The following RASGRF2 variants were observed in gnomAD, a reference collection of about 807,000 sequenced individuals.
RASGRF2 encodes ras-specific guanine nucleotide-releasing factor 2.
RASGRF2 carries 76 observed loss-of-function variants against 151.0 expected under a neutral mutation model. The ratio of observed to expected loss-of-function variants is 0.50; its 90% confidence interval spans 0.42 to 0.61. The LOEUF (loss-of-function observed/expected upper bound fraction) is 0.61, where lower values mean the gene tolerates loss of function less well. Among genes scored for constraint, RASGRF2 ranks in the 20% least tolerant of loss-of-function variants. The pLI is 0.00. For missense variants in RASGRF2, 1,148 were observed against 1,564.6 expected, an observed-to-expected ratio of 0.73 and a Z score of 4.49; for synonymous variants, 504 against 566.5, an observed-to-expected ratio of 0.89 and a Z score of 1.57.
At chr5:80,972,971 T>A (rs1006387356) in intron 1 of RASGRF2, among the ~76,000 whole-genome samples, 1 of 152,250 alleles carries the variant, frequency 6.6e-6, no homozygotes, top group African/African-American at 2.4e-5. Context: ...GTTATATGTA[T>A]TGCAAGTATT....
intron 17 of RASGRF2, among the ~76,000 whole-genome samples, chr5:81,142,266 T>C (rs1039582155): frequency 3.3e-5 from 5 of 152,160 alleles, no homozygotes; most frequent in Non-Finnish European, 7.3e-5. Flanking sequence ...CTGAGTGGCC[T>C]CCCAGAGGCA....
intron 5 of RASGRF2, 31 bp from the exon 6 acceptor site, chr5:81,080,090 C>G: frequency 1.3e-6 from 2 of 1,587,464 alleles, no homozygotes; most frequent in South Asian, 2.3e-5. Context: ...ATTATAGCAA[C>G]TAAATTATAT....
intron 1 of RASGRF2, among the ~76,000 whole-genome samples, chr5:80,979,983 T>A (rs1316326348): frequency 6.6e-6 from 1 of 152,232 alleles, no homozygotes; most frequent in Admixed American, 6.5e-5. Context: ...TGTTGCTGAT[T>A]CTTTATACAG....
chr5:81,228,084 G>A lies in RASGRF2; in HGVS notation c.*2314G>A, dbSNP rs1277097789. ...CTGTCAATTGCTATGCTGACTTTTA[G>A]GGGGTTTTTGTTTGTTTGAAAAACA... On this transcript the variant is annotated 3_prime_UTR_variant, in exon 27 of 27. Transcript: ENST00000265080. 1 of 152,228 alleles carries A rather than the reference G, an allele frequency of 6.6e-6. No homozygotes were observed. The highest frequency in any genetic ancestry group is 1.5e-5 in the Non-Finnish European group (1 of 68,100). 9.4% of individuals were successfully genotyped at this position (152,228 alleles called of 1,614,324 possible).
rs569510899 is a variant in RASGRF2 at position 81,180,188 on chromosome 5, C to T, written c.2700C>T (p.Thr900=). ...TTTTCTCCTAAGGCTTTAACAACAC[C>T]GAGAGAACATGTGATAAAGAGTTTA... ...GHGSPPGFNN[T]ERTCDKEFII... is the part of the protein sequence containing the mutation. Residue 900 remains threonine (T), a synonymous_variant, in exon 18 of 27, where the codon ACC becomes ACT. Coordinates refer to ENST00000265080, the MANE Select transcript of RASGRF2 (RefSeq NM_006909.3). The T allele has an allele frequency of 9.3e-6, 15 of 1,605,846 alleles. No individual in the cohort carries two copies. The South Asian group carries it at 9.9e-5, about 11-fold the overall frequency.
In RASGRF2 at chr5:81,228,775, A is replaced by T. The variant is rs1756052152; in HGVS notation, c.*3005A>T. 1 of 152,196 alleles carries T rather than the reference A, an allele frequency of 6.6e-6. No individual in the cohort carries two copies. Among genetic ancestry groups the T allele is most frequent in the Non-Finnish European group, 1.5e-5 (1 of 68,034 alleles). The allele number at this position is 152,196 out of a possible 1,614,324, so 9.4% of individuals were successfully genotyped here. On this transcript the variant is annotated 3_prime_UTR_variant, in exon 27 of 27. Transcript: ENST00000265080. ...TTTGACAGATTCAGGCATGAAGTAA[A>T]ACGTCGTCACTTTTCCTTAGTGCTT...
intron 1 of RASGRF2, among the ~76,000 whole-genome samples, chr5:81,024,169 A>C (rs960604324): frequency 6.6e-6 from 1 of 151,022 alleles, no homozygotes; most frequent in African/African-American, 2.4e-5. Flanking sequence ...AGGTAAACTG[A>C]GAGGTCTCTT....
chr5:81,045,677 G>C (rs967704179), intron 2 of RASGRF2, among the ~76,000 whole-genome samples: 1 of 100,430 alleles, frequency 1.0e-5, no homozygotes, highest in Admixed American at 9.5e-5. Flanking sequence ...CCTAGGACTG[G>C]GTTCTTTGAT....
intron 1 of RASGRF2, among the ~76,000 whole-genome samples, chr5:80,970,252 T>G (rs912160228): frequency 1.3e-5 from 2 of 152,202 alleles, no homozygotes; most frequent in African/African-American, 2.4e-5. Flanking sequence ...ATTAATCAAG[T>G]GTGTAGTTGG....
chr5:81,133,929 C>T (rs1000754036), intron 17 of RASGRF2, among the ~76,000 whole-genome samples: 5 of 152,094 alleles, frequency 3.3e-5, no homozygotes, highest in South Asian at 2.1e-4. Context: ...GTGAGTTGGG[C>T]TTGGATCGGT....
chr5:81,103,708 A>G (rs908330903), intron 12 of RASGRF2, among the ~76,000 whole-genome samples: 2 of 151,330 alleles, frequency 1.3e-5, no homozygotes, highest in Non-Finnish European at 3.0e-5. Context: ...CAAAAGGTAA[A>G]AAGACAGATT....
At chr5:80,977,151 T>A (rs1487526298) in intron 1 of RASGRF2, among the ~76,000 whole-genome samples, 1 of 152,154 alleles carries the variant, frequency 6.6e-6, no homozygotes, top group Non-Finnish European at 1.5e-5. Flanking sequence ...TTCAGCATGG[T>A]GGTTTGAGCA....
chr5:81,103,667 T>C (rs1752764529), intron 12 of RASGRF2, among the ~76,000 whole-genome samples: 2 of 152,014 alleles, frequency 1.3e-5, no homozygotes, highest in African/African-American at 4.8e-5. Flanking sequence ...GAGGTAAAAC[T>C]ATGGAATATA....
chr5:81,060,454 C>CA (rs1751394664), intron 2 of RASGRF2, among the ~76,000 whole-genome samples: 3 of 151,884 alleles, frequency 2.0e-5, no homozygotes, highest in Admixed American at 6.6e-5. Context: ...ACCTCTGCCC[C>CA]CCTACTTCCT....
In RASGRF2 at chr5:81,080,696, CAG is replaced by C. The variant is rs759044310; in HGVS notation, c.1072_1073del (p.Asp358PhefsTer2). 1.2e-6 allele frequency: 2 copies of C among 1,614,116 alleles called. No homozygotes were observed. Among genetic ancestry groups the C allele is most frequent in the South Asian group, 2.2e-5 (2 of 91,082 alleles). On this transcript the variant is annotated frameshift_variant, in exon 7 of 27. Transcript: ENST00000265080. LOFTEE classifies it high-confidence loss of function. ...LQVLANCKQN[R>X]DFDKLLKQYE... is the part of the protein sequence containing the mutation. ...AAGTTCTCGCCAATTGTAAGCAAAA[CAG>C]AGATTTTGACAAACTCTTAAAACAG...
intron 17 of RASGRF2, among the ~76,000 whole-genome samples, chr5:81,174,925 TCCAAATAG>T (rs1286504787): frequency 6.6e-6 from 1 of 152,254 alleles, no homozygotes; most frequent in Admixed American, 6.5e-5. Context: ...ATTTTCTTTC[TCCAAATAG>T]CCAAATAGCG....
chr5:81,125,615 A>G (rs1385117722), intron 16 of RASGRF2, among the ~76,000 whole-genome samples: 1 of 152,198 alleles, frequency 6.6e-6, no homozygotes. Context: ...AGAGTTTGGG[A>G]CCAAAATCTA....
At chr5:81,025,610 C>T (rs2112347220) in intron 1 of RASGRF2, among the ~76,000 whole-genome samples, 1 of 152,342 alleles carries the variant, frequency 6.6e-6, no homozygotes. Context: ...CCAAGTCCAA[C>T]ATGGTGGTTG....
At chr5:81,108,962 T>C in intron 12 of RASGRF2, 34 bp from the exon 13 acceptor site, 5 of 1,587,300 alleles carry the variant, frequency 3.1e-6, no homozygotes, top group Non-Finnish European at 4.3e-6. Context: ...TAGGCTTTCA[T>C]GTGGGTTGTA....
Sources: gnomAD v4.1 joint callset for allele counts (sites outside exome capture counted in the v4.1 genomes callset) on GRCh38, gnomAD v4.1.1 for gene constraint, MANE v1.5 for transcripts, NCBI Gene and HGNC (gene_info 2026-07-23, HGNC 2026-07-21) for gene names.